DHX35: variants seen among roughly 807,000 people sequenced by gnomAD.
DHX35 encodes the protein DEAH-box helicase 35, also known as probable ATP-dependent RNA helicase DHX35.
Under a neutral mutation model 99.6 loss-of-function variants are expected in DHX35, and 84 were observed. The ratio of observed to expected loss-of-function variants is 0.84; its 90% CI spans 0.71 to 1.01. DHX35 has a LOEUF of 1.01. Among genes scored for constraint, DHX35 ranks in the 50% least tolerant of loss-of-function variants. The pLI is 0.00. For missense variants in DHX35, 852 were observed against 888.5 expected (o/e 0.96, Z 0.52); for synonymous variants, 331 against 316.2 (o/e 1.05, Z -0.50).
At chr20:38,988,938 T>C in intron 5 of DHX35, 21 bp downstream of exon 5, 1 of 1,606,496 alleles carries the variant, frequency 6.2e-7, no homozygotes, top group Middle Eastern at 1.7e-4. Flanking sequence ...CAAGCTGCTT[T>C]TCCTAGTGGA....
chr20:39,024,991 C>T lies in DHX35; in HGVS notation c.1672-239C>T, dbSNP rs145364199. On this transcript the variant is annotated intron_variant, in intron 17 of 21. Transcript: ENST00000252011. ...GTATGTAAGATTGAAACCGTTTCTGCGTGTCATTAAGTTCTCATTTGCCCT... is the reference window on the plus strand; with the variant it reads ...GTATGTAAGATTGAAACCGTTTCTGTGTGTCATTAAGTTCTCATTTGCCCT... Among the ~76,000 whole-genome samples, 21 of 152,210 alleles carry T rather than the reference C, an allele frequency of 1.4e-4. No individual in the cohort carries two copies. In the East Asian group the frequency reaches 3.9e-3, roughly 28 times the overall value.
rs1790159541 is a variant in DHX35 at position 39,003,916 on chromosome 20, A to G, written c.1011+9A>G. On this transcript the variant is annotated intron_variant, in intron 11 of 21. Transcript: ENST00000252011. ...CACGCAGTGTCAGAAAGGTGAGACT[A>G]TCCTGATGACCAAGGGTGTTGGCAG... is the stretch of plus-strand genomic sequence containing the variant. 5 of 1,612,900 alleles carry G rather than the reference A, an allele frequency of 3.1e-6. No homozygotes were observed. The highest frequency in any genetic ancestry group is 1.3e-5 in the African/African-American group (1 of 74,918).
chr20:39,033,672 T>G (rs1030542243), intron 20 of DHX35, among the ~76,000 whole-genome samples: 9 of 152,246 alleles, frequency 5.9e-5, no homozygotes, highest in Non-Finnish European at 7.3e-5. Context: ...GGCTCTTCGG[T>G]TGTCTATTAC....
chr20:38,981,317 T>C (rs1051698334), intron 3 of DHX35, among the ~76,000 whole-genome samples: 1 of 152,238 alleles, frequency 6.6e-6, no homozygotes, highest in African/African-American at 2.4e-5. Context: ...CCTCTTTCCC[T>C]CTATCTTTAT....
chr20:39,029,020 A>G (rs1323287103), intron 19 of DHX35, among the ~76,000 whole-genome samples: 13 of 152,170 alleles, frequency 8.5e-5, no homozygotes, highest in Non-Finnish European at 1.9e-4. Flanking sequence ...TCACTCATTG[A>G]TGCCTTCCTA....
At chr20:38,964,438 T>C (rs1192716369) in intron 1 of DHX35, among the ~76,000 whole-genome samples, 3 of 148,632 alleles carry the variant, frequency 2.0e-5, no homozygotes, top group Non-Finnish European at 4.5e-5. Flanking sequence ...TTTTCTTTCT[T>C]TTTTTTTTTT....
At chr20:38,978,534 G>T in intron 3 of DHX35, 9 of 325,196 alleles carry the variant, frequency 2.8e-5, no homozygotes, top group South Asian at 8.1e-5. Flanking sequence ...ATTTTAAATT[G>T]GATTTTTAGT....
chr20:39,006,384 T>C (rs3752298), intron 12 of DHX35, 28 bp downstream of exon 12: 521,937 of 1,604,720 alleles, frequency 0.33, 87,033 homozygotes, highest in African/African-American at 0.48. Flanking sequence ...TAAGGGTTTT[T>C]GACTTTCTTA....
chr20:38,992,541 TC>T, intron 7 of DHX35, 116 bp downstream of exon 7: 1 of 934,338 alleles, frequency 1.1e-6, no homozygotes, highest in Non-Finnish European at 1.7e-6. Context: ...ATTAAAATCA[TC>T]CATAATCCTA....
rs149182721 is a variant in DHX35, at chr20:38,991,460, A to G, written c.457A>G (p.Thr153Ala). 1.2e-6 allele frequency: 2 copies of G among 1,612,694 alleles called. No homozygotes were observed. Among genetic ancestry groups the G allele is most frequent in the Non-Finnish European group, 1.7e-6 (2 of 1,179,506 alleles). Residue 153 changes from threonine to alanine, a missense_variant, in exon 6 of 22, where the codon ACT (threonine) becomes GCT (alanine). Thr to Ala is a moderately conservative substitution (Grantham distance 58, BLOSUM62 0). Coordinates refer to ENST00000252011, the MANE Select transcript of DHX35 (RefSeq NM_021931.4). ...TTGTGTTTTTATTTTTTAGTTTCTT[A>G]CTGATGGAATGCTGGTCAGGGAAAT... is the stretch of plus-strand genomic sequence containing the variant. Reference protein sequence around the residue: ...DQLATRIKFLTDGMLVREMMV... With the variant: ...DQLATRIKFLADGMLVREMMV...
At chr20:38,994,309 T>C (rs2086389660) in intron 7 of DHX35, among the ~76,000 whole-genome samples, 1 of 152,148 alleles carries the variant, frequency 6.6e-6, no homozygotes, top group Non-Finnish European at 1.5e-5. Context: ...ATTGTTATTA[T>C]ATATCTTAGC....
chr20:38,988,766 C>T (rs2086287577), intron 4 of DHX35, 47 bp from the exon 5 acceptor site: 1 of 1,610,600 alleles, frequency 6.2e-7, no homozygotes, highest in Non-Finnish European at 8.5e-7. Context: ...GTGCGCTGTG[C>T]AGTAATTTCT....
chr20:38,973,893 C>A (rs1259794444), intron 3 of DHX35, among the ~76,000 whole-genome samples: 1 of 152,184 alleles, frequency 6.6e-6, no homozygotes, highest in Admixed American at 6.5e-5. Flanking sequence ...AATGCTAACC[C>A]CTGCTAGTTA....
At chr20:38,996,449 G>A (rs1474778832) in intron 8 of DHX35, among the ~76,000 whole-genome samples, 1 of 152,200 alleles carries the variant, frequency 6.6e-6, no homozygotes, top group Non-Finnish European at 1.5e-5. Flanking sequence ...TAGAGGCTCA[G>A]CCAGAGAGGA....
chr20:39,017,071 C>T lies in DHX35; in HGVS notation c.1403-1733C>T, dbSNP rs549215446. 3.3e-5 allele frequency among the ~76,000 whole-genome samples: 5 copies of T among 151,992 alleles called. No homozygotes were observed. The South Asian group carries it at 8.3e-4, about 25-fold the overall frequency. ...TGTGGTTCCATTTATCTGTATTTTT[C>T]TTTTGTTACGTGTGCCCTTGGTGTC... On this transcript the variant is annotated intron_variant, in intron 14 of 21. Coordinates refer to ENST00000252011, the MANE Select transcript of DHX35 (RefSeq NM_021931.4).
chr20:39,033,117 T>C (rs1332653512), intron 20 of DHX35, among the ~76,000 whole-genome samples: 2 of 151,698 alleles, frequency 1.3e-5, no homozygotes, highest in African/African-American at 4.8e-5. Flanking sequence ...GTGGCTGTAG[T>C]ACTAGCTACT....
chr20:39,029,216 A>G (rs2087005740), intron 19 of DHX35: 1 of 152,114 alleles, frequency 6.6e-6, no homozygotes, highest in African/African-American at 2.4e-5. Flanking sequence ...AAGTGTAGCT[A>G]TCATCATTTT....
At chr20:39,010,144 C>T in intron 12 of DHX35, 136 bp from the exon 13 acceptor site, 4 of 1,107,238 alleles carry the variant, frequency 3.6e-6, no homozygotes, top group Non-Finnish European at 5.3e-6. Flanking sequence ...AACTTTATAT[C>T]ATGGTATCAT....
intron 18 of DHX35, among the ~76,000 whole-genome samples, chr20:39,025,950 A>G (rs969310982): frequency 6.6e-6 from 1 of 152,138 alleles, no homozygotes; most frequent in Non-Finnish European, 1.5e-5. Context: ...TGTTATCCTC[A>G]TTTTACAATT....
Sources: gnomAD v4.1 joint callset for allele counts (sites outside exome capture counted in the v4.1 genomes callset) on GRCh38, gnomAD v4.1.1 for gene constraint, MANE v1.5 for transcripts, NCBI Gene and HGNC (gene_info 2026-07-23, HGNC 2026-07-21) for gene names.